SCN1A: variants seen among roughly 807,000 people sequenced by gnomAD.
SCN1A encodes sodium voltage-gated channel alpha subunit 1.
SCN1A carries 13 observed loss-of-function variants against 193.7 expected under a neutral mutation model. That is an observed-to-expected ratio of 0.07 (90% CI 0.04 to 0.11). The LOEUF is 0.11. SCN1A is among the 10% of genes least tolerant of loss of function. The pLI is 1.00. For missense variants in SCN1A, 1,432 were observed against 2,451.1 expected, an observed-to-expected ratio of 0.58 and a Z score of 8.78; for synonymous variants, 781 against 843.6, an observed-to-expected ratio of 0.93 and a Z score of 1.29.
intron 7 of SCN1A, among the ~76,000 whole-genome samples, chr2:166,054,395 G>A (rs1377146944): frequency 1.3e-5 from 2 of 151,848 alleles, no homozygotes; most frequent in Non-Finnish European, 2.9e-5. Flanking sequence ...GTGGAAGAGT[G>A]GCATATGTGA....
intron 27 of SCN1A, among the ~76,000 whole-genome samples, chr2:165,994,980 C>G (rs1689820938): frequency 6.6e-6 from 1 of 151,860 alleles, no homozygotes; most frequent in South Asian, 2.1e-4. Context: ...TTGTCAGACA[C>G]AGAATCCTGA....
chr2:166,127,712 C>G (rs1181637365), intron 1 of SCN1A, 59 bp downstream of exon 1: 1 of 151,980 alleles, frequency 6.6e-6, no homozygotes, highest in Non-Finnish European at 1.5e-5. Flanking sequence ...ACTCTTTTTC[C>G]AAAGGAATAA....
chr2:166,048,493 A>G (rs6432862), intron 10 of SCN1A, among the ~76,000 whole-genome samples: 101,196 of 151,878 alleles, frequency 0.67, 34,159 homozygotes, highest in East Asian at 0.89. Flanking sequence ...TAAGGATAAT[A>G]GCCTCCAGTT....
Position 165,991,279 on chromosome 2 carries a change from T to G in SCN1A, c.5996A>C (p.Gln1999Pro). The G allele has an allele frequency of 6.2e-7, 1 of 1,613,646 alleles. No individual in the cohort carries two copies. The highest frequency in any genetic ancestry group is 8.5e-7 in the Non-Finnish European group (1 of 1,179,812). The change falls in exon 29 of 29, where the codon CAA becomes CCA. Residue 1999 changes from glutamine (Q) to proline (P), a missense_variant. Physicochemically the swap from Gln to Pro is moderately conservative, Grantham distance 76. Coordinates refer to ENST00000674923, the MANE Select transcript of SCN1A (RefSeq NM_001165963.4). ...VTKPIVEKHE[Q>P]EGKDEKAKGK is the part of the protein sequence containing the mutation. ...TTTGGCTTTTTCATCTTTGCCTTCT[T>G]GCTCATGTTTTTCCACAATTGGCTT...
At chr2:166,144,865 T>C (rs1382948197) in intron 1 of SCN1A, among the ~76,000 whole-genome samples, 6 of 151,950 alleles carry the variant, frequency 3.9e-5, no homozygotes, top group Non-Finnish European at 8.8e-5. Flanking sequence ...TTTTTTTTTT[T>C]TTTTGAGACA....
At chr2:166,068,427 G>C (rs1022676431) in intron 4 of SCN1A, among the ~76,000 whole-genome samples, 3 of 152,178 alleles carry the variant, frequency 2.0e-5, no homozygotes, top group African/African-American at 7.2e-5. Flanking sequence ...GTCAACTACA[G>C]GGTCCTGGAT....
intron 4 of SCN1A, among the ~76,000 whole-genome samples, chr2:166,067,806 A>G (rs1388464322): frequency 1.4e-5 from 2 of 145,506 alleles, no homozygotes; most frequent in African/African-American, 5.1e-5. Flanking sequence ...GGCTTGGTGG[A>G]GCTGACCCAC....
At chr2:166,146,309 C>A (rs950602759) in intron 1 of SCN1A, among the ~76,000 whole-genome samples, 3 of 152,138 alleles carry the variant, frequency 2.0e-5, no homozygotes, top group Admixed American at 1.3e-4. Context: ...CCACCTTATA[C>A]CTGAGTTATA....
intron 1 of SCN1A, among the ~76,000 whole-genome samples, chr2:166,134,752 A>G (rs1034825013): frequency 6.6e-6 from 1 of 152,182 alleles, no homozygotes; most frequent in African/African-American, 2.4e-5. Context: ...TAGTCTAATA[A>G]ACCACATTTA....
intron 18 of SCN1A, 21 bp downstream of exon 18, chr2:166,037,755 A>G (rs1042176150): frequency 1.4e-5 from 23 of 1,611,246 alleles, no homozygotes; most frequent in Middle Eastern, 1.6e-4. Context: ...TCCAAAATGC[A>G]TATCTTAAGT....
At chr2:166,078,351 A>G (rs1258578201) in intron 2 of SCN1A, among the ~76,000 whole-genome samples, 1 of 149,674 alleles carries the variant, frequency 6.7e-6, no homozygotes, top group Non-Finnish European at 1.5e-5. Flanking sequence ...TTGTTAATTT[A>G]GGGAAAAAAT....
intron 2 of SCN1A, among the ~76,000 whole-genome samples, chr2:166,084,270 T>C (rs1010804107): frequency 4.1e-5 from 6 of 145,388 alleles, no homozygotes; most frequent in African/African-American, 1.5e-4. Flanking sequence ...TGCTGTCCTC[T>C]CCCCACCCCT....
chr2:166,051,938 C>T lies in SCN1A; in HGVS notation c.745G>A (p.Asp249Asn). ...ALIQSVKKLS[D>N]VMILTVFCLS... is the part of the protein sequence containing the mutation. ...CAGAACACAGTCAGGATCATTACATCTGAGAGCTTCTTCACAGACTGGATC... is the reference window on the plus strand; with the variant it reads ...CAGAACACAGTCAGGATCATTACATTTGAGAGCTTCTTCACAGACTGGATC... Residue 249 changes from aspartate to asparagine, a missense_variant, in exon 9 of 29, where the codon GAT (aspartate) becomes AAT (asparagine). By Grantham distance (23) the Asp-to-Asn change is conservative (BLOSUM62 1). Transcript: ENST00000674923. 2 of 1,612,340 alleles carry T rather than the reference C, an allele frequency of 1.2e-6. No individual in the cohort carries two copies. Among genetic ancestry groups the T allele is most frequent in the Non-Finnish European group, 1.7e-6 (2 of 1,178,832 alleles).
At chr2:166,028,700 T>C (rs1271547963) in intron 19 of SCN1A, among the ~76,000 whole-genome samples, 1 of 152,180 alleles carries the variant, frequency 6.6e-6, no homozygotes, top group African/African-American at 2.4e-5. Context: ...CATCACAGTA[T>C]TGTATTGTTT....
intron 22 of SCN1A, among the ~76,000 whole-genome samples, chr2:166,011,767 C>T (rs1692493540): frequency 6.6e-6 from 1 of 151,084 alleles, no homozygotes; most frequent in African/African-American, 2.4e-5. Context: ...TCCTGGGATA[C>T]AAACTTGAGT....
At chr2:166,020,036 A>G (rs8179832) in intron 19 of SCN1A, among the ~76,000 whole-genome samples, 23,123 of 150,848 alleles carry the variant, frequency 0.15, 1,906 homozygotes, top group East Asian at 0.27. Context: ...TCAGCCTCCC[A>G]AGTAGCTGGG....
At chr2:166,057,746 A>C (rs1007528442) in intron 5 of SCN1A, among the ~76,000 whole-genome samples, 1 of 152,156 alleles carries the variant, frequency 6.6e-6, no homozygotes, top group East Asian at 1.9e-4. Flanking sequence ...CCTTTAAAAA[A>C]AAGTATGAGC....
At position 166,082,918 on chromosome 2, in the gene SCN1A, A is replaced by C. The variant is rs763257246; in HGVS notation, c.-141-5117T>G. Among the ~76,000 whole-genome samples, 17 of 152,186 alleles carry C rather than the reference A, an allele frequency of 1.1e-4. No homozygotes were observed. The South Asian group carries it at 1.2e-3, about 11-fold the overall frequency. On this transcript the variant is annotated intron_variant, in intron 2 of 28. Transcript: ENST00000674923. ...GCCAAAATGCTTGCCATCTCCTTGT[A>C]AAGAGCTATTACTATTCTGGGGACA...
chr2:166,056,591 T>A, intron 5 of SCN1A, 91 bp from the exon 6 acceptor site: 1 of 882,640 alleles, frequency 1.1e-6, no homozygotes, highest in Non-Finnish European at 1.9e-6. Context: ...AACTGCAGCT[T>A]AGCCAAAATT....
Sources: allele counts gnomAD v4.1 joint callset (sites outside exome capture counted in the v4.1 genomes callset), GRCh38; gene constraint gnomAD v4.1.1; transcripts MANE v1.5; gene names NCBI Gene and HGNC (gene_info 2026-07-23, HGNC 2026-07-21).